Variants in TAGAP observed in about 807,000 individuals in gnomAD.
The protein encoded by TAGAP is T-cell activation Rho GTPase-activating protein.
TAGAP carries 16 observed loss-of-function variants against 36.0 expected under a neutral mutation model. The observed-to-expected ratio is 0.44, with a 90% confidence interval of 0.30 to 0.68. The LOEUF (loss-of-function observed/expected upper bound fraction) is 0.68, where lower values mean the gene tolerates loss of function less well. Among genes scored for constraint, TAGAP ranks in the 30% least tolerant of loss-of-function variants. The pLI is 0.09. For synonymous variants in TAGAP, 372 were observed against 377.4 expected (o/e 0.99, Z 0.17); for missense variants, 794 against 921.5 (o/e 0.86, Z 1.79).
At chr6:159,038,267 T>A in intron 8 of TAGAP, 39 bp from the exon 9 acceptor site, 89 of 266,954 alleles carry the variant, frequency 3.3e-4, no homozygotes, top group Middle Eastern at 7.7e-4. Context: ...CTTGAAGACT[T>A]TTTTTTTTTT....
At chr6:159,038,681 T>C (rs932287143) in intron 8 of TAGAP, among the ~76,000 whole-genome samples, 1 of 152,296 alleles carries the variant, frequency 6.6e-6, no homozygotes, top group African/African-American at 2.4e-5. Flanking sequence ...TGAGCCACCA[T>C]GCCAACAATC....
intron 8 of TAGAP, chr6:159,038,902 G>T: frequency 7.1e-7 from 1 of 1,416,204 alleles, no homozygotes; most frequent in South Asian, 1.5e-5. Context: ...GCACTCATCT[G>T]TCTCACAGAT....
intron 4 of TAGAP, 114 bp from the exon 5 acceptor site, chr6:159,042,358 T>C (rs1779787140): frequency 1.4e-6 from 2 of 1,472,282 alleles, no homozygotes; most frequent in Non-Finnish European, 1.8e-6. Context: ...TAGTATGCGA[T>C]GTGAGAAAAA....
In TAGAP at chr6:159,041,078, C is replaced by T. The variant is rs1287067463; in HGVS notation, c.478-246G>A. On this transcript the variant is annotated intron_variant, in intron 6 of 9. Transcript: ENST00000367066. This position sits in a 1 kb window ranked among gnomAD's most constrained non-coding sequence, Gnocchi z 4.1. ...CAGGTGGGTGTGTTCTGAGGGGCCA[C>T]TGGATTTTGACGTATGGATTCTGCC... The T allele has an allele frequency of 3.4e-6, 2 of 585,968 alleles. No homozygotes were observed. Among genetic ancestry groups the T allele is most frequent in the Non-Finnish European group, 5.9e-6 (2 of 336,266 alleles). The allele number at this position is 585,968 out of a possible 1,614,324, so 36.3% of individuals were successfully genotyped here.
In TAGAP at chr6:159,037,036, G is replaced by A. The variant is rs1779569727; in HGVS notation, c.987C>T (p.Ser329=). ...TGGCCATGGGCACCTGGGGCTGCCT[G>A]CTGGGAGAGCTGATGCCACTGCTGC... The part of the protein sequence containing the change: ...SNSSSGISSP[S]RQPQVPMATA... The change falls in exon 10 of 10, where the codon AGC becomes AGT. Residue 329 remains serine (S), a synonymous_variant. Transcript: ENST00000367066. The surrounding 1 kb of genome is among the most constrained non-coding windows in gnomAD (Gnocchi z 5.1). The A allele has an allele frequency of 2.5e-6, 4 of 1,613,376 alleles. No homozygotes were observed. Among genetic ancestry groups the A allele is most frequent in the Non-Finnish European group, 3.4e-6 (4 of 1,180,052 alleles).
chr6:159,038,365 C>A, intron 8 of TAGAP, 137 bp from the exon 9 acceptor site: 1 of 553,356 alleles, frequency 1.8e-6, no homozygotes, highest in Non-Finnish European at 3.2e-6. Flanking sequence ...CTGAAAAGAG[C>A]ATACAGAAAT....
At chr6:159,038,828 G>T in intron 8 of TAGAP, 1 of 1,081,698 alleles carries the variant, frequency 9.2e-7, no homozygotes, top group Non-Finnish European at 1.2e-6. Flanking sequence ...ATAGACTGTG[G>T]TGTACAAAAC....
In TAGAP at chr6:159,034,857, G is replaced by C. The variant is rs556819174; in HGVS notation, c.*970C>G. 1 of 152,104 alleles carries C rather than the reference G, an allele frequency of 6.6e-6. No individual in the cohort carries two copies. 9.4% of individuals were successfully genotyped at this position (152,104 alleles called of 1,614,324 possible). A position where few individuals can be genotyped will look rare whatever the true frequency, so the allele number is the denominator to read the frequency against. On this transcript the variant is annotated 3_prime_UTR_variant, in exon 10 of 10. Transcript: ENST00000367066. ...CTGCTTCTTCCTAAACAAGATCCCC[G>C]GTCTTGCTATTAGTCTAGAATAGTG...
At position 159,042,122 on chromosome 6, in the gene TAGAP, A is replaced by T. The variant is rs1295740611; in HGVS notation, c.271T>A (p.Ser91Thr). The T allele has an allele frequency of 5.0e-6, 8 of 1,614,078 alleles. No individual in the cohort carries two copies. The African/African-American group carries it at 1.1e-4, about 22-fold the overall frequency. Residue 91 changes from serine to threonine, a missense_variant, in exon 5 of 10, where the codon TCA becomes ACA. Physicochemically the swap from Ser to Thr is moderately conservative, Grantham distance 58. Coordinates refer to ENST00000367066, the MANE Select transcript of TAGAP (RefSeq NM_054114.5). ...LKASLFDQPL[S>T]IICGDSDTLP... ...GTGTCACTGTCACCGCAGATAATTG[A>T]CAAGGGCTGATCAAATAGCGATGCT...
chr6:159,038,270 T>A, intron 8 of TAGAP, 42 bp from the exon 9 acceptor site: 23 of 805,910 alleles, frequency 2.9e-5, no homozygotes, highest in East Asian at 8.3e-5. Context: ...GAAGACTTTT[T>A]TTTTTTTTTT....
At position 159,041,261 on chromosome 6, in the gene TAGAP, C is replaced by T. The variant is rs1583778002; in HGVS notation, c.477+93G>A. 4.8e-6 allele frequency: 7 copies of T among 1,473,462 alleles called. No individual in the cohort carries two copies. The Admixed American group carries it at 1.4e-4, about 30-fold the overall frequency. 91.3% of individuals were successfully genotyped at this position (1,473,462 alleles called of 1,614,324 possible). On this transcript the variant is annotated intron_variant, in intron 6 of 9. Transcript: ENST00000367066. This position sits in a 1 kb window ranked among gnomAD's most constrained non-coding sequence, Gnocchi z 4.1. ...TAAACTCCAAGATCAGTGTACCTTG[C>T]TGTGTGGGGAGAAGAGCCTATTTCT...
intron 3 of TAGAP, 69 bp from the exon 4 acceptor site, chr6:159,043,724 A>G: frequency 7.0e-7 from 1 of 1,424,506 alleles, no homozygotes; most frequent in Non-Finnish European, 9.9e-7. Context: ...CCCACAAAAC[A>G]CACATACAGC....
chr6:159,040,678 G>A (rs376946363), intron 7 of TAGAP, 45 bp downstream of exon 7: 65 of 1,434,680 alleles, frequency 4.5e-5, no homozygotes, highest in Non-Finnish European at 5.6e-5. Context: ...ATCAAAAGAC[G>A]GAGGTGATGT....
chr6:159,040,688 T>C lies in TAGAP; in HGVS notation c.587+35A>G, dbSNP rs1180438995. ...AAAGAATCAAAAGACGGAGGTGATGTGGCCTGGCAATGACCGATGACTTTG... is the reference window on the plus strand; with the variant it reads ...AAAGAATCAAAAGACGGAGGTGATGCGGCCTGGCAATGACCGATGACTTTG... On this transcript the variant is annotated intron_variant, in intron 7 of 9. Transcript: ENST00000367066. 3 of 1,526,664 alleles carry C rather than the reference T, an allele frequency of 2.0e-6. No individual in the cohort carries two copies. The African/African-American group carries it at 4.1e-5, about 21-fold the overall frequency. 94.6% of individuals were successfully genotyped at this position (1,526,664 alleles called of 1,614,324 possible).
chr6:159,038,574 G>A (rs1420202330), intron 8 of TAGAP, among the ~76,000 whole-genome samples: 2 of 151,852 alleles, frequency 1.3e-5, no homozygotes, highest in East Asian at 3.9e-4. Flanking sequence ...ATTTTTAGTG[G>A]AGACGGGGTT....
chr6:159,042,015 T>C, intron 5 of TAGAP, 63 bp downstream of exon 5: 1 of 1,527,708 alleles, frequency 6.5e-7, no homozygotes, highest in Non-Finnish European at 8.9e-7. Context: ...CATTCAGATT[T>C]CCCGAGTATT....
Position 159,041,055 on chromosome 6 carries a change from G to C in TAGAP, c.478-223C>G. On this transcript the variant is annotated intron_variant, in intron 6 of 9. Coordinates refer to ENST00000367066, the MANE Select transcript of TAGAP (RefSeq NM_054114.5). The surrounding 1 kb of genome is among the most constrained non-coding windows in gnomAD (Gnocchi z 4.1). ...GGCAGAGTCAGAGGCACCATCCCCA[G>C]GTGGGTGTGTTCTGAGGGGCCACTG... 1 of 586,752 alleles carries C rather than the reference G, an allele frequency of 1.7e-6. No individual in the cohort carries two copies. The highest frequency in any genetic ancestry group is 3.0e-6 in the Non-Finnish European group (1 of 333,946). The allele number at this position is 586,752 out of a possible 1,614,324, so 36.3% of individuals were successfully genotyped here.
chr6:159,040,208 A>G (rs913432381), intron 7 of TAGAP, among the ~76,000 whole-genome samples: 1 of 152,200 alleles, frequency 6.6e-6, no homozygotes, highest in Non-Finnish European at 1.5e-5. Context: ...GTGTTATTAT[A>G]TAGTTTTCAT....
At position 159,041,810 on chromosome 6, in the gene TAGAP, T is replaced by G; in HGVS notation, c.315+268A>C. On this transcript the variant is annotated intron_variant, in intron 5 of 9. Coordinates refer to ENST00000367066, the MANE Select transcript of TAGAP (RefSeq NM_054114.5). The surrounding 1 kb of genome is among the most constrained non-coding windows in gnomAD (Gnocchi z 4.1). ...TTTGACTTTTCAGAAGCTACAAATC[T>G]TCAGCATTCTCCACTCTGTGAAGTC... 1.8e-6 allele frequency: 1 copy of G among 541,838 alleles called. No homozygotes were observed. The highest frequency in any genetic ancestry group is 1.9e-5 in the African/African-American group (1 of 52,862). 33.6% of individuals were successfully genotyped at this position (541,838 alleles called of 1,614,324 possible). A position where few individuals can be genotyped will look rare whatever the true frequency, so the allele number is the denominator to read the frequency against.
Sources: gnomAD v4.1 joint callset for allele counts (sites outside exome capture counted in the v4.1 genomes callset) on GRCh38, gnomAD v4.1.1 for gene constraint, Gnocchi (gnomAD v3.1) non-coding constraint, MANE v1.5 for transcripts, NCBI Gene and HGNC (gene_info 2026-07-23, HGNC 2026-07-21) for gene names.